CABIN1: variants seen among roughly 807,000 people sequenced by gnomAD.
The protein encoded by CABIN1 is calcineurin-binding protein cabin-1.
Under a neutral mutation model 227.7 loss-of-function variants are expected in CABIN1, and 133 were observed. The ratio of observed to expected loss-of-function variants is 0.58; its 90% CI spans 0.51 to 0.67. The LOEUF is 0.67. CABIN1 is among the 30% of genes least tolerant of loss of function. The pLI, the probability that CABIN1 is intolerant of heterozygous loss-of-function variation, is 0.00. For synonymous variants in CABIN1, 1,086 were observed against 1,155.1 expected (o/e 0.94, Z 1.21); for missense variants, 2,408 against 2,852.5 (o/e 0.84, Z 3.55).
chr22:24,063,920 TA>T (rs923214425), intron 14 of CABIN1, 114 bp from the exon 15 acceptor site: 5 of 1,348,264 alleles, frequency 3.7e-6, no homozygotes, highest in Non-Finnish European at 4.2e-6. Flanking sequence ...GTGTAATTGG[TA>T]AAAAACCCAC....
intron 29 of CABIN1, among the ~76,000 whole-genome samples, chr22:24,144,519 C>T (rs1481631023): frequency 6.6e-6 from 1 of 152,262 alleles, no homozygotes. Context: ...GCACATGATC[C>T]AGCAGCCATG....
At chr22:24,062,102 C>T (rs762950651) in intron 13 of CABIN1, 77 bp downstream of exon 13, 239 of 1,222,056 alleles carry the variant, frequency 2.0e-4, no homozygotes, top group Non-Finnish European at 2.6e-4. Flanking sequence ...AGGCGGGAGA[C>T]TGAGTCATGG....
intron 8 of CABIN1, among the ~76,000 whole-genome samples, chr22:24,052,160 G>A (rs945296256): frequency 6.6e-6 from 1 of 152,184 alleles, no homozygotes; most frequent in Admixed American, 6.5e-5. Flanking sequence ...TTGTGGTGAT[G>A]TGACTGGAGA....
chr22:24,117,545 TGGG>T (rs695452), intron 27 of CABIN1, among the ~76,000 whole-genome samples: 1 of 142,360 alleles, frequency 7.0e-6, no homozygotes, highest in East Asian at 2.1e-4. Context: ...TTTGTTTTTT[TGGG>T]GGGGGGGTTA....
At position 24,035,461 on chromosome 22, in the gene CABIN1, G is replaced by A. The variant is rs988436717; in HGVS notation, c.-57G>A. ...CTTTCTAGGAGAGTTGTGGACTGGGGCAACCTTTGCCAGTGATGAGAAGTG... is the reference window on the plus strand; with the variant it reads ...CTTTCTAGGAGAGTTGTGGACTGGGACAACCTTTGCCAGTGATGAGAAGTG... On this transcript the variant is annotated 5_prime_UTR_variant, in exon 2 of 37. Coordinates refer to ENST00000263119, the MANE Select transcript of CABIN1 (RefSeq NM_012295.4). 5.0e-5 allele frequency: 81 copies of A among 1,612,968 alleles called. No homozygotes were observed. The South Asian group carries it at 7.2e-4, about 14-fold the overall frequency.
In CABIN1 at chr22:24,178,611, A is replaced by G; in HGVS notation, c.*415A>G. On this transcript the variant is annotated 3_prime_UTR_variant, in exon 37 of 37. Transcript: ENST00000263119. ...TCACCCTTTTTTTGGTTGCTTTTCT[A>G]ATAAAGATGGAACAGTTGTCTTTGC... 3.5e-6 allele frequency: 1 copy of G among 284,020 alleles called. No homozygotes were observed. Among genetic ancestry groups the G allele is most frequent in the Non-Finnish European group, 6.9e-6 (1 of 144,650 alleles). 17.6% of individuals were successfully genotyped at this position (284,020 alleles called of 1,614,324 possible).
intron 26 of CABIN1, among the ~76,000 whole-genome samples, chr22:24,106,217 A>C (rs538093216): frequency 6.6e-6 from 1 of 152,338 alleles, no homozygotes; most frequent in South Asian, 2.1e-4. Flanking sequence ...CCCAGAGAAG[A>C]AGCCTTTGAC....
chr22:24,051,406 G>A (rs2038325964), intron 8 of CABIN1, among the ~76,000 whole-genome samples: 1 of 152,062 alleles, frequency 6.6e-6, no homozygotes, highest in African/African-American at 2.4e-5. Flanking sequence ...AGGGCCACGT[G>A]GGGAGCCCTG....
intron 12 of CABIN1, among the ~76,000 whole-genome samples, chr22:24,060,552 A>G (rs768740235): frequency 3.9e-5 from 6 of 152,114 alleles, no homozygotes; most frequent in Non-Finnish European, 8.8e-5. Flanking sequence ...CCTTGCCAGG[A>G]GAAGCTGGAG....
intron 29 of CABIN1, among the ~76,000 whole-genome samples, chr22:24,159,486 A>T (rs536161772): frequency 6.6e-6 from 1 of 152,336 alleles, no homozygotes; most frequent in East Asian, 1.9e-4. Context: ...TTGTCAGGCC[A>T]GGTGCCCTGG....
Position 24,061,953 on chromosome 22 carries a change from A to G in CABIN1, c.1624A>G (p.Met542Val), listed in dbSNP as rs1192667246. The G allele has an allele frequency of 1.9e-6, 3 of 1,613,478 alleles. No individual in the cohort carries two copies. Among genetic ancestry groups the G allele is most frequent in the Admixed American group, 1.7e-5 (1 of 60,024 alleles). Residue 542 changes from methionine to valine, a missense_variant, in exon 13 of 37, where the codon ATG becomes GTG. Physicochemically the swap from Met to Val is conservative, Grantham distance 21 (BLOSUM62 1). Transcript: ENST00000263119. The stretch of plus-strand genomic sequence containing the variant: ...TCCTGTGTCTGTCCTGCAGGACATG[A>G]TGCTGATGTCTCTCTCCTGCATGGA... Reference protein sequence around the residue: ...DCSNKHIKDMMLMSLSCMELQ... With the variant: ...DCSNKHIKDMVLMSLSCMELQ...
chr22:24,099,310 C>T (rs776377262), intron 26 of CABIN1, among the ~76,000 whole-genome samples: 1 of 152,154 alleles, frequency 6.6e-6, no homozygotes, highest in Admixed American at 6.5e-5. Context: ...TGCTCCATTT[C>T]TCTGGGGGCA....
chr22:24,095,256 C>A (rs1015586012), intron 24 of CABIN1, among the ~76,000 whole-genome samples: 1 of 152,274 alleles, frequency 6.6e-6, no homozygotes, highest in African/African-American at 2.4e-5. Context: ...CACACCCACT[C>A]CTGCATGAGA....
chr22:24,065,404 A>T lies in CABIN1; in HGVS notation c.2037+1217A>T, dbSNP rs2039563666. Among the ~76,000 whole-genome samples, 3 of 143,778 alleles carry T rather than the reference A, an allele frequency of 2.1e-5. No individual in the cohort carries two copies. In the South Asian group the frequency reaches 6.9e-4, roughly 33 times the overall value. The allele number at this position is 143,778 out of a possible 152,430, so 94.3% of individuals were successfully genotyped here. ...GGCAGAGACACTCCTCACATCCCAG[A>T]TGGGGCGGCGGGGCAGAGGCGCTCC... On this transcript the variant is annotated intron_variant, in intron 15 of 36. Transcript: ENST00000263119.
intron 29 of CABIN1, among the ~76,000 whole-genome samples, chr22:24,154,306 G>A (rs763605007): frequency 5.3e-5 from 8 of 152,182 alleles, no homozygotes; most frequent in South Asian, 2.1e-4. Flanking sequence ...GTGGACAGCC[G>A]GGAAGAGTGG....
At chr22:24,148,663 G>C (rs2045299806) in intron 29 of CABIN1, among the ~76,000 whole-genome samples, 1 of 152,212 alleles carries the variant, frequency 6.6e-6, no homozygotes. Context: ...CCAGTTGGAT[G>C]ATATCAGTGG....
At chr22:24,024,413 A>G (rs1010426180) in intron 1 of CABIN1, among the ~76,000 whole-genome samples, 2 of 152,162 alleles carry the variant, frequency 1.3e-5, no homozygotes, top group Non-Finnish European at 2.9e-5. Context: ...GTTTTTTCCT[A>G]AGAATTGCTT....
chr22:24,069,840 C>G (rs1225336997), intron 16 of CABIN1, among the ~76,000 whole-genome samples: 1 of 152,192 alleles, frequency 6.6e-6, no homozygotes, highest in Admixed American at 6.5e-5. Flanking sequence ...ACCTGTTGGT[C>G]TCACCTCAGA....
At position 24,178,188 on chromosome 22, in the gene CABIN1, G is replaced by A. The variant is rs967889714; in HGVS notation, c.6655G>A (p.Asp2219Asn). ...GACAGACGAGGACGACGACTACATGGACATTTGAGGGGCCACTGCAGCCCC... is the reference window on the plus strand; with the variant it reads ...GACAGACGAGGACGACGACTACATGAACATTTGAGGGGCCACTGCAGCCCC... ...SETDEDDDYM[D>N]I The change falls in exon 37 of 37, where the codon GAC becomes AAC. Residue 2219 changes from aspartate to asparagine, a missense_variant. This residue lies in a region of CABIN1 where 714 missense variants were observed against 773.8 expected (regional missense o/e 0.92). Transcript: ENST00000263119. The A allele has an allele frequency of 3.1e-6, 5 of 1,612,978 alleles. No individual in the cohort carries two copies. The highest frequency in any genetic ancestry group is 2.7e-5 in the African/African-American group (2 of 74,918).
Sources: gnomAD v4.1 joint callset for allele counts (sites outside exome capture counted in the v4.1 genomes callset) on GRCh38, gnomAD v4.1.1 for gene constraint, gnomAD v4.1.1 regional missense constraint, MANE v1.5 for transcripts, NCBI Gene and HGNC (gene_info 2026-07-23, HGNC 2026-07-21) for gene names.